Variants in AUTS2 observed in about 807,000 individuals in gnomAD.
AUTS2 encodes activator of transcription and developmental regulator AUTS2, also known as autism susceptibility gene 2 protein.
A neutral mutation model predicts 112.4 loss-of-function variants in AUTS2; 17 were observed. The observed-to-expected ratio is 0.15, with a 90% CI of 0.10 to 0.23. AUTS2 has a LOEUF of 0.23. AUTS2 is among the 10% of genes least tolerant of loss of function. The probability of loss-of-function intolerance (pLI) is 1.00; values close to 1 mark genes in which losing one functional copy is unlikely to be tolerated. For synonymous variants in AUTS2, 751 were observed against 702.7 expected (o/e 1.07, Z -1.09); for missense variants, 1,510 against 1,701.6 (o/e 0.89, Z 1.98).
At chr7:70,132,144 A>G (rs1280117831) in intron 3 of AUTS2, among the ~76,000 whole-genome samples, 1 of 150,510 alleles carries the variant, frequency 6.6e-6, no homozygotes, top group African/African-American at 2.5e-5. Context: ...TCAAAACTGA[A>G]TACCATGCAT....
At chr7:70,133,729 G>A (rs1284001969) in intron 3 of AUTS2, among the ~76,000 whole-genome samples, 1 of 152,070 alleles carries the variant, frequency 6.6e-6, no homozygotes, top group East Asian at 1.9e-4. Context: ...ATAAAGAGAG[G>A]TTTTAGGAGA....
At chr7:70,452,344 A>G (rs1389751145) in intron 5 of AUTS2, among the ~76,000 whole-genome samples, 1 of 152,148 alleles carries the variant, frequency 6.6e-6, no homozygotes, top group Non-Finnish European at 1.5e-5. Context: ...CTGTAGTCCC[A>G]GCTAATTGGG....
At chr7:69,995,033 C>G (rs1456967463) in intron 2 of AUTS2, among the ~76,000 whole-genome samples, 1 of 152,106 alleles carries the variant, frequency 6.6e-6, no homozygotes. Flanking sequence ...GGCTTTGTGG[C>G]CTTAATAAGC....
intron 5 of AUTS2, among the ~76,000 whole-genome samples, chr7:70,470,492 G>A (rs1037780029): frequency 1.3e-5 from 2 of 152,224 alleles, no homozygotes; most frequent in African/African-American, 4.8e-5. Flanking sequence ...AGTTAGTACT[G>A]TGACAGATTT....
At chr7:70,741,295 T>C (rs899807124) in intron 6 of AUTS2, among the ~76,000 whole-genome samples, 4 of 150,066 alleles carry the variant, frequency 2.7e-5, no homozygotes, top group African/African-American at 4.9e-5. Flanking sequence ...ATAAGACTTA[T>C]GGGAGAAATG....
intron 4 of AUTS2, among the ~76,000 whole-genome samples, chr7:70,431,079 C>T (rs1184345906): frequency 6.6e-5 from 10 of 152,080 alleles, no homozygotes; most frequent in Non-Finnish European, 1.2e-4. Flanking sequence ...CCTCGTGATC[C>T]GCCCGCCTCG....
chr7:69,791,404 GA>G (rs1262976427), intron 1 of AUTS2, among the ~76,000 whole-genome samples: 14 of 152,178 alleles, frequency 9.2e-5, no homozygotes, highest in African/African-American at 3.4e-4. Context: ...TTAAAAACCT[GA>G]ATATAGCACA....
intron 5 of AUTS2, among the ~76,000 whole-genome samples, chr7:70,562,058 G>T (rs1801511021): frequency 6.6e-6 from 1 of 152,116 alleles, no homozygotes. Context: ...CTCACCACGT[G>T]CCCTGTTGAC....
At position 70,790,618 on chromosome 7, in the gene AUTS2, G is replaced by A. The variant is rs774410530; in HGVS notation, c.3402G>A (p.Pro1134=). 4 of 1,604,212 alleles carry A rather than the reference G, an allele frequency of 2.5e-6. No homozygotes were observed. Among genetic ancestry groups the A allele is most frequent in the Non-Finnish European group, 3.4e-6 (4 of 1,176,588 alleles). ...YSHHHHHHHH[P]LSVDPRREHE... ...ACCACCACCACCACCACCACCACCC[G>A]CTGTCTGTGGACCCTCGGCGGGAGC... is the stretch of plus-strand genomic sequence containing the variant. The change falls in exon 19 of 19, where the codon CCG becomes CCA. Residue 1134 remains proline, a synonymous_variant. Coordinates refer to ENST00000342771, the MANE Select transcript of AUTS2 (RefSeq NM_015570.4). This position sits in a 1 kb window ranked among gnomAD's most constrained non-coding sequence, Gnocchi z 7.6.
At chr7:70,434,544 G>T (rs1157853483) in intron 4 of AUTS2, among the ~76,000 whole-genome samples, 1 of 152,174 alleles carries the variant, frequency 6.6e-6, no homozygotes, top group African/African-American at 2.4e-5. Flanking sequence ...TCTACCTTCA[G>T]AATTGCTGTG....
intron 5 of AUTS2, among the ~76,000 whole-genome samples, chr7:70,578,110 G>GT (rs776837916): frequency 9.8e-5 from 15 of 152,310 alleles, no homozygotes; most frequent in Non-Finnish European, 1.8e-4. Flanking sequence ...GATTACAGGC[G>GT]TGAGCCACCG....
chr7:70,694,739 G>C lies in AUTS2; in HGVS notation c.691-3830G>C, dbSNP rs910193391. 4.0e-5 allele frequency: 6 copies of C among 148,238 alleles called. No individual in the cohort carries two copies. Among genetic ancestry groups the C allele is most frequent in the African/African-American group, 1.5e-4 (6 of 41,028 alleles). 9.2% of individuals were successfully genotyped at this position (148,238 alleles called of 1,614,324 possible). On this transcript the variant is annotated intron_variant, in intron 5 of 18. Transcript: ENST00000342771. The surrounding 1 kb of genome is among the most constrained non-coding windows in gnomAD (Gnocchi z 4.1). ...TGGCGAGCGCGGGCCGGGCGATCTCGGCGGGCGCGCTCCTCCCGCCGCCCG... is the reference window on the plus strand; with the variant it reads ...TGGCGAGCGCGGGCCGGGCGATCTCCGCGGGCGCGCTCCTCCCGCCGCCCG...
chr7:69,705,292 G>C (rs1374388920), intron 1 of AUTS2, among the ~76,000 whole-genome samples: 1 of 152,156 alleles, frequency 6.6e-6, no homozygotes, highest in Non-Finnish European at 1.5e-5. Flanking sequence ...AATTTAGCCT[G>C]ATAGTGTAAA....
chr7:70,232,481 G>A (rs893556992), intron 4 of AUTS2, among the ~76,000 whole-genome samples: 1 of 151,834 alleles, frequency 6.6e-6, no homozygotes, highest in African/African-American at 2.4e-5. Flanking sequence ...TTGGTGCACT[G>A]CAACTTCCCC....
At chr7:70,659,860 A>G (rs1806977256) in intron 5 of AUTS2, among the ~76,000 whole-genome samples, 1 of 152,196 alleles carries the variant, frequency 6.6e-6, no homozygotes, top group Admixed American at 6.5e-5. Context: ...TAAAGGGCAC[A>G]TGCAGTCCCG....
intron 1 of AUTS2, among the ~76,000 whole-genome samples, chr7:69,829,133 C>T (rs75966353): frequency 6.6e-6 from 1 of 152,084 alleles, no homozygotes; most frequent in Non-Finnish European, 1.5e-5. Context: ...CCAAAACAAG[C>T]AATGGGGAAA....
At chr7:69,785,685 A>G (rs1789338956) in intron 1 of AUTS2, among the ~76,000 whole-genome samples, 1 of 152,188 alleles carries the variant, frequency 6.6e-6, no homozygotes, top group Non-Finnish European at 1.5e-5. Flanking sequence ...AACAGGAGTT[A>G]TATTTGCTGT....
At chr7:70,089,085 A>G (rs539715459) in intron 2 of AUTS2, among the ~76,000 whole-genome samples, 1 of 152,274 alleles carries the variant, frequency 6.6e-6, no homozygotes, top group South Asian at 2.1e-4. Context: ...GTTGGGCTGA[A>G]TGTTCTATAA....
At chr7:69,934,272 C>T (rs1445210110) in intron 2 of AUTS2, among the ~76,000 whole-genome samples, 1 of 152,132 alleles carries the variant, frequency 6.6e-6, no homozygotes, top group Non-Finnish European at 1.5e-5. Flanking sequence ...TTCTACAATG[C>T]AGCTGAGTTA....
Sources: allele counts gnomAD v4.1 joint callset (sites outside exome capture counted in the v4.1 genomes callset), GRCh38; gene constraint gnomAD v4.1.1; non-coding constraint Gnocchi (gnomAD v3.1); transcripts MANE v1.5; gene names NCBI Gene and HGNC (gene_info 2026-07-23, HGNC 2026-07-21).